The following CDH12 variants were observed in gnomAD, a reference collection of about 807,000 sequenced individuals.
The protein encoded by CDH12 is cadherin 12, also known as cadherin-12.
In CDH12, 41 loss-of-function variants were observed where a neutral mutation model predicts 74.1. The ratio of observed to expected loss-of-function variants is 0.55; its 90% CI spans 0.43 to 0.72. CDH12 has a LOEUF of 0.72. Ranked by LOEUF, CDH12 falls within the 30% of genes least tolerant of loss-of-function variation. CDH12 has a pLI of 0.00. For synonymous variants in CDH12, 399 were observed against 355.0 expected, an observed-to-expected ratio of 1.12 and a Z score of -1.39; for missense variants, 945 against 977.2, an observed-to-expected ratio of 0.97 and a Z score of 0.44.
chr5:21,993,111 T>A (rs1306367486), intron 5 of CDH12, among the ~76,000 whole-genome samples: 3 of 152,046 alleles, frequency 2.0e-5, no homozygotes, highest in Non-Finnish European at 4.4e-5. Context: ...TCCTCCAACA[T>A]GTGGATATTA....
At chr5:22,304,170 T>C (rs910664346) in intron 3 of CDH12, among the ~76,000 whole-genome samples, 7 of 152,148 alleles carry the variant, frequency 4.6e-5, no homozygotes, top group Non-Finnish European at 1.0e-4. Context: ...TAATTTAATA[T>C]GTAAACCAGG....
intron 3 of CDH12, among the ~76,000 whole-genome samples, chr5:22,359,613 T>A (rs1740712620): frequency 6.6e-6 from 1 of 152,126 alleles, no homozygotes; most frequent in Non-Finnish European, 1.5e-5. Flanking sequence ...CCACCCCAAA[T>A]CAAGAGAATA....
chr5:22,775,936 G>A (rs943106016), intron 1 of CDH12, among the ~76,000 whole-genome samples: 1 of 151,890 alleles, frequency 6.6e-6, no homozygotes, highest in Non-Finnish European at 1.5e-5. Context: ...AGATCTGATG[G>A]GTTTATCAGG....
intron 1 of CDH12, among the ~76,000 whole-genome samples, chr5:22,725,203 T>A (rs1744099837): frequency 6.6e-6 from 1 of 151,930 alleles, no homozygotes; most frequent in Non-Finnish European, 1.5e-5. Context: ...CCTGTTCTCT[T>A]TAATTTAGTG....
At chr5:22,565,214 A>G (rs553750406) in intron 1 of CDH12, among the ~76,000 whole-genome samples, 1 of 152,248 alleles carries the variant, frequency 6.6e-6, no homozygotes, top group South Asian at 2.1e-4. Flanking sequence ...GATTATAGGC[A>G]TGAGCTACCA....
intron 4 of CDH12, among the ~76,000 whole-genome samples, chr5:22,098,868 C>T (rs1743964413): frequency 6.6e-6 from 1 of 152,176 alleles, no homozygotes; most frequent in Non-Finnish European, 1.5e-5. Context: ...CCAGCAAAGG[C>T]AGGCTATGCT....
chr5:22,246,381 A>T, intron 3 of CDH12, among the ~76,000 whole-genome samples: 1 of 152,144 alleles, frequency 6.6e-6, no homozygotes, highest in East Asian at 1.9e-4. Flanking sequence ...TATAAGTCAC[A>T]AAAATTTCAA....
At chr5:21,936,342 G>T (rs1755073021) in intron 6 of CDH12, among the ~76,000 whole-genome samples, 1 of 152,124 alleles carries the variant, frequency 6.6e-6, no homozygotes, top group Admixed American at 6.5e-5. Flanking sequence ...GATGAAAAAT[G>T]CTAAAAGATA....
At chr5:22,050,803 C>T (rs1740303877) in intron 5 of CDH12, among the ~76,000 whole-genome samples, 1 of 152,106 alleles carries the variant, frequency 6.6e-6, no homozygotes, top group South Asian at 2.1e-4. Flanking sequence ...GCCTATGATT[C>T]CCTGGTGAGA....
At chr5:22,154,049 T>C (rs1393872844) in intron 4 of CDH12, among the ~76,000 whole-genome samples, 1 of 149,710 alleles carries the variant, frequency 6.7e-6, no homozygotes, top group African/African-American at 2.4e-5. Flanking sequence ...CCAATTATTA[T>C]TATTATTTTA....
At chr5:22,571,187 T>G (rs945162536) in intron 1 of CDH12, among the ~76,000 whole-genome samples, 7 of 152,204 alleles carry the variant, frequency 4.6e-5, no homozygotes, top group Admixed American at 6.5e-5. Flanking sequence ...CCTCTGTGTG[T>G]TCACTGCAGT....
chr5:22,068,577 C>G (rs4472233), intron 5 of CDH12, among the ~76,000 whole-genome samples: 3,732 of 152,148 alleles, frequency 0.025, 159 homozygotes, highest in African/African-American at 0.086. Context: ...GCTGAATGGT[C>G]AGGGACTTGG....
chr5:22,138,685 C>T (rs1173564637), intron 4 of CDH12, among the ~76,000 whole-genome samples: 1 of 149,788 alleles, frequency 6.7e-6, no homozygotes, highest in Non-Finnish European at 1.5e-5. Flanking sequence ...TCTGCAGGAT[C>T]TTAATTTTAA....
intron 5 of CDH12, 49 bp downstream of exon 5, chr5:22,078,397 C>A: frequency 6.7e-7 from 1 of 1,503,374 alleles, no homozygotes; most frequent in Non-Finnish European, 9.2e-7. Flanking sequence ...ATACACAATG[C>A]ATATTCCCCC....
In CDH12 at chr5:22,529,186, T is replaced by TAGAG. The variant is rs1468255213; in HGVS notation, c.-522-23823_-522-23822insCTCT. On this transcript the variant is annotated intron_variant, in intron 1 of 14. Transcript: ENST00000382254. ...ATGTGTATATATATATATATATATA[T>TAGAG]ATAGAGAGAGAGAGAGAGAGAGAGA... Among the ~76,000 whole-genome samples the TAGAG allele has an allele frequency of 2.4e-3, 165 of 69,520 alleles. 1 individual carries two copies. The highest frequency in any genetic ancestry group is 3.7e-3 in the Non-Finnish European group (120 of 32,532). The allele number at this position is 69,520 out of a possible 152,430, so 45.6% of individuals were successfully genotyped here.
In CDH12 at chr5:22,687,962, T is replaced by A. The variant is rs1002718581; in HGVS notation, c.-523+165096A>T. On this transcript the variant is annotated intron_variant, in intron 1 of 14. Coordinates refer to ENST00000382254, the MANE Select transcript of CDH12 (RefSeq NM_004061.5). Reference sequence around the variant, plus strand: ...AAGTTTCATGTCTCTGGTAGGATATTGTGCATTTTTGAAAGATGCCTTGAG... The same window carrying A: ...AAGTTTCATGTCTCTGGTAGGATATAGTGCATTTTTGAAAGATGCCTTGAG... Among the ~76,000 whole-genome samples, 18 of 152,290 alleles carry A rather than the reference T, an allele frequency of 1.2e-4. No homozygotes were observed. The East Asian group carries it at 3.3e-3, about 28-fold the overall frequency.
intron 1 of CDH12, among the ~76,000 whole-genome samples, chr5:22,749,619 A>G (rs6896407): frequency 0.84 from 127,363 of 152,118 alleles, 53,402 homozygotes; most frequent in Non-Finnish European, 0.86. Context: ...AGTACCCCAG[A>G]GACTCCAAAT....
intron 6 of CDH12, among the ~76,000 whole-genome samples, chr5:21,898,641 G>A (rs1753239889): frequency 1.3e-5 from 2 of 152,178 alleles, no homozygotes; most frequent in South Asian, 4.1e-4. Flanking sequence ...GGCTGAGGTT[G>A]AAATGAGCTG....
At chr5:22,249,881 G>A (rs1482303982) in intron 3 of CDH12, among the ~76,000 whole-genome samples, 1 of 151,624 alleles carries the variant, frequency 6.6e-6, no homozygotes, top group African/African-American at 2.4e-5. Flanking sequence ...TCATTTTTGT[G>A]TTAATCAAAC....
Sources: gnomAD v4.1 joint callset for allele counts (sites outside exome capture counted in the v4.1 genomes callset) on GRCh38, gnomAD v4.1.1 for gene constraint, MANE v1.5 for transcripts, NCBI Gene and HGNC (gene_info 2026-07-23, HGNC 2026-07-21) for gene names.